SLC16A10: variants seen among roughly 807,000 people sequenced by gnomAD.
The protein encoded by SLC16A10 is solute carrier family 16 member 10, also known as monocarboxylate transporter 10.
SLC16A10 carries 27 observed loss-of-function variants against 40.0 expected under a neutral mutation model. That is an observed-to-expected ratio of 0.67 (90% CI 0.50 to 0.93). The LOEUF (loss-of-function observed/expected upper bound fraction) is 0.93. Ranked by LOEUF, SLC16A10 falls within the 40% of genes least tolerant of loss-of-function variation. The probability of loss-of-function intolerance (pLI) is 0.00; values close to 1 mark genes in which losing one functional copy is unlikely to be tolerated. For synonymous variants in SLC16A10, 213 were observed against 249.8 expected, an observed-to-expected ratio of 0.85 and a Z score of 1.39; for missense variants, 529 against 658.2, an observed-to-expected ratio of 0.80 and a Z score of 2.15.
chr6:111,213,260 G>A (rs1206330533), intron 4 of SLC16A10, among the ~76,000 whole-genome samples: 4 of 152,274 alleles, frequency 2.6e-5, no homozygotes, highest in Admixed American at 6.5e-5. Flanking sequence ...GATGCAAACC[G>A]AACTGTTAAG....
chr6:111,221,258 C>T (rs1429114810), intron 5 of SLC16A10, among the ~76,000 whole-genome samples: 1 of 152,014 alleles, frequency 6.6e-6, no homozygotes, highest in Non-Finnish European at 1.5e-5. Context: ...GAAGCAGAAC[C>T]CGAATATAGA....
intron 1 of SLC16A10, among the ~76,000 whole-genome samples, chr6:111,154,665 A>T (rs1772235448): frequency 6.6e-6 from 1 of 152,146 alleles, no homozygotes; most frequent in South Asian, 2.1e-4. Flanking sequence ...TTCTTTAAGC[A>T]TCTCTTGATG....
intron 3 of SLC16A10, among the ~76,000 whole-genome samples, chr6:111,201,917 G>A (rs1773173938): frequency 6.6e-6 from 1 of 152,186 alleles, no homozygotes; most frequent in Non-Finnish European, 1.5e-5. Flanking sequence ...TTGTACTGTG[G>A]CCACCCATTT....
chr6:111,180,853 A>T (rs1253548556), intron 3 of SLC16A10, among the ~76,000 whole-genome samples: 2 of 152,176 alleles, frequency 1.3e-5, no homozygotes, highest in Non-Finnish European at 2.9e-5. Flanking sequence ...GAGGTCACAG[A>T]GATAGTGACT....
chr6:111,161,631 G>A (rs1256892241), intron 1 of SLC16A10, among the ~76,000 whole-genome samples: 3 of 152,126 alleles, frequency 2.0e-5, no homozygotes, highest in African/African-American at 7.2e-5. Context: ...ATCGTCTGAG[G>A]CTCCAGTTTC....
chr6:111,173,814 T>A (rs1772630313), intron 2 of SLC16A10, among the ~76,000 whole-genome samples: 1 of 152,212 alleles, frequency 6.6e-6, no homozygotes, highest in African/African-American at 2.4e-5. Context: ...TATAATTATT[T>A]CATTATATAT....
intron 1 of SLC16A10, among the ~76,000 whole-genome samples, chr6:111,150,480 T>C (rs1772154362): frequency 6.6e-6 from 1 of 152,212 alleles, no homozygotes; most frequent in African/African-American, 2.4e-5. Context: ...AATATCATCA[T>C]CATCATCATC....
intron 1 of SLC16A10, among the ~76,000 whole-genome samples, chr6:111,172,096 CT>C (rs1772596490): frequency 6.6e-6 from 1 of 152,136 alleles, no homozygotes; most frequent in African/African-American, 2.4e-5. Flanking sequence ...TTTCTCTAAT[CT>C]TTAATAATTC....
At chr6:111,133,693 C>T (rs1425959084) in intron 1 of SLC16A10, among the ~76,000 whole-genome samples, 1 of 152,204 alleles carries the variant, frequency 6.6e-6, no homozygotes, top group Middle Eastern at 3.2e-3. Flanking sequence ...CCCTCAGAGT[C>T]TACCTCCCTA....
At chr6:111,108,027 T>TC (rs1210693005) in intron 1 of SLC16A10, among the ~76,000 whole-genome samples, 3 of 150,986 alleles carry the variant, frequency 2.0e-5, no homozygotes, top group Non-Finnish European at 3.0e-5. Context: ...TTACAGTCTT[T>TC]TTTTTTTTTT....
chr6:111,118,701 G>T (rs1316454292), intron 1 of SLC16A10, among the ~76,000 whole-genome samples: 3 of 138,160 alleles, frequency 2.2e-5, no homozygotes, highest in Non-Finnish European at 4.8e-5. Flanking sequence ...AAAAAAAAAA[G>T]GTGAATTATC....
intron 1 of SLC16A10, among the ~76,000 whole-genome samples, chr6:111,140,210 C>T: frequency 6.6e-6 from 1 of 152,280 alleles, no homozygotes; most frequent in African/African-American, 2.4e-5. Context: ...TGCCTCTAAT[C>T]CCAGCACTTT....
At chr6:111,190,412 G>A (rs1259301863) in intron 3 of SLC16A10, among the ~76,000 whole-genome samples, 1 of 152,184 alleles carries the variant, frequency 6.6e-6, no homozygotes, top group African/African-American at 2.4e-5. Context: ...TACCATTCTG[G>A]GGTCTGGAGG....
chr6:111,105,870 C>T (rs190788020), intron 1 of SLC16A10, among the ~76,000 whole-genome samples: 1 of 152,296 alleles, frequency 6.6e-6, no homozygotes, highest in Admixed American at 6.5e-5. Flanking sequence ...GAACCAGTAA[C>T]AGCAGAGGGT....
chr6:111,116,341 C>T (rs987379103), intron 1 of SLC16A10, among the ~76,000 whole-genome samples: 1 of 151,986 alleles, frequency 6.6e-6, no homozygotes, highest in Admixed American at 6.6e-5. Context: ...CCTCAGCCTC[C>T]GGAGTAGCTG....
intron 1 of SLC16A10, among the ~76,000 whole-genome samples, chr6:111,162,712 C>T (rs566984775): frequency 6.6e-6 from 1 of 152,118 alleles, no homozygotes; most frequent in East Asian, 1.9e-4. Context: ...TAAATGTGCT[C>T]CAAATTTTGT....
intron 1 of SLC16A10, among the ~76,000 whole-genome samples, chr6:111,128,522 C>A (rs1329135907): frequency 6.6e-6 from 1 of 152,156 alleles, no homozygotes; most frequent in African/African-American, 2.4e-5. Context: ...GATCAAGACA[C>A]ACTGGTTGGT....
At position 111,227,823 on chromosome 6, in the gene SLC16A10, C is replaced by T. The variant is rs1771030000; in HGVS notation, c.*5588C>T. On this transcript the variant is annotated 3_prime_UTR_variant, in exon 6 of 6. Coordinates refer to ENST00000368851, the MANE Select transcript of SLC16A10 (RefSeq NM_018593.5). ...AAACCTTTCTAAGTACTTGATGACACCCACTTGATCATGACAATTCATCTA... is the reference window on the plus strand; with the variant it reads ...AAACCTTTCTAAGTACTTGATGACATCCACTTGATCATGACAATTCATCTA... 6.6e-6 allele frequency: 1 copy of T among 152,096 alleles called. No individual in the cohort carries two copies. The highest frequency in any genetic ancestry group is 1.5e-5 in the Non-Finnish European group (1 of 68,032). 9.4% of individuals were successfully genotyped at this position (152,096 alleles called of 1,614,324 possible).
At chr6:111,203,459 C>T (rs912122426) in intron 3 of SLC16A10, among the ~76,000 whole-genome samples, 6 of 151,676 alleles carry the variant, frequency 4.0e-5, no homozygotes, top group Admixed American at 1.3e-4. Context: ...CTAGGCCAGG[C>T]GTGGTGGCTC....
Sources: allele counts gnomAD v4.1 joint callset (sites outside exome capture counted in the v4.1 genomes callset), GRCh38; gene constraint gnomAD v4.1.1; transcripts MANE v1.5; gene names NCBI Gene and HGNC (gene_info 2026-07-23, HGNC 2026-07-21).